RBMS3: variants seen among roughly 807,000 people sequenced by gnomAD.
The protein encoded by RBMS3 is RNA-binding motif, single-stranded-interacting protein 3.
RBMS3 carries 27 observed loss-of-function variants against 66.8 expected under a neutral mutation model. The observed-to-expected ratio is 0.40, with a 90% CI of 0.30 to 0.56. RBMS3 has a LOEUF of 0.56. Among genes scored for constraint, RBMS3 ranks in the 20% least tolerant of loss-of-function variants. The probability of loss-of-function intolerance (pLI) is 0.40; values close to 1 mark genes in which losing one functional copy is unlikely to be tolerated. For missense variants in RBMS3, 513 were observed against 549.5 expected, an observed-to-expected ratio of 0.93 and a Z score of 0.66; for synonymous variants, 188 against 183.0, an observed-to-expected ratio of 1.03 and a Z score of -0.22.
intron 1 of RBMS3, among the ~76,000 whole-genome samples, chr3:29,317,240 A>G (rs1193676908): frequency 1.3e-5 from 2 of 151,816 alleles, no homozygotes; most frequent in African/African-American, 2.4e-5. Flanking sequence ...AAACCAAGCT[A>G]TGATAGAGTT....
chr3:29,674,737 C>CAAAAAAA (rs149403305), intron 4 of RBMS3, among the ~76,000 whole-genome samples: 2 of 100,912 alleles, frequency 2.0e-5, no homozygotes. Flanking sequence ...ACCACTGCTC[C>CAAAAAAA]AAAAAAAAAA....
chr3:29,910,621 G>T (rs74881102), intron 10 of RBMS3, among the ~76,000 whole-genome samples: 5,279 of 151,984 alleles, frequency 0.035, 107 homozygotes, highest in African/African-American at 0.044. Flanking sequence ...TTTCTACCTA[G>T]GTGCTATGTC....
intron 12 of RBMS3, among the ~76,000 whole-genome samples, chr3:29,952,441 A>G (rs927042112): frequency 1.3e-5 from 2 of 151,890 alleles, no homozygotes; most frequent in African/African-American, 4.8e-5. Context: ...AAATCTTCCC[A>G]GTTTATATTA....
At chr3:29,585,438 A>T (rs1325043887) in intron 3 of RBMS3, among the ~76,000 whole-genome samples, 1 of 152,184 alleles carries the variant, frequency 6.6e-6, no homozygotes, top group African/African-American at 2.4e-5. Context: ...TTGAAAGGAC[A>T]CATGCAGACT....
chr3:29,896,376 AC>A (rs1249593396), intron 8 of RBMS3, among the ~76,000 whole-genome samples: 5 of 151,392 alleles, frequency 3.3e-5, no homozygotes, highest in Admixed American at 2.6e-4. Context: ...TAAAAAAAAA[AC>A]AAAACATAGT....
At chr3:29,790,056 G>A (rs1018868873) in intron 6 of RBMS3, among the ~76,000 whole-genome samples, 1 of 152,044 alleles carries the variant, frequency 6.6e-6, no homozygotes, top group African/African-American at 2.4e-5. Context: ...AATTTTTACA[G>A]GTGATTTTAG....
intron 2 of RBMS3, among the ~76,000 whole-genome samples, chr3:29,435,316 C>A (rs7612586): frequency 7.9e-5 from 12 of 152,128 alleles, no homozygotes; most frequent in African/African-American, 2.9e-4. Context: ...TTCAGGATTA[C>A]CTCTTGTGTT....
chr3:29,600,265 G>A (rs1559500433), intron 4 of RBMS3, among the ~76,000 whole-genome samples: 1 of 152,018 alleles, frequency 6.6e-6, no homozygotes, highest in East Asian at 1.9e-4. Context: ...CCGTGTTGGA[G>A]CTGGGGCCTA....
intron 4 of RBMS3, among the ~76,000 whole-genome samples, chr3:29,611,272 T>C (rs557891935): frequency 1.3e-5 from 2 of 152,208 alleles, no homozygotes; most frequent in African/African-American, 4.8e-5. Context: ...AAAGTCCAGG[T>C]AGTAAAAATC....
chr3:29,350,847 A>G lies in RBMS3; in HGVS notation c.75+69091A>G, dbSNP rs143402778. ...TTTTGCCATAAAAGGTAAAAGAAAA[A>G]CAAAGTAAAAACAAAAAACTATAAT... is the stretch of plus-strand genomic sequence containing the variant. On this transcript the variant is annotated intron_variant, in intron 1 of 14. Coordinates refer to ENST00000383767, the MANE Select transcript of RBMS3 (RefSeq NM_001003793.3). Among the ~76,000 whole-genome samples, 469 of 152,244 alleles carry G rather than the reference A, an allele frequency of 3.1e-3. 2 individuals are homozygous for G. The highest frequency in any genetic ancestry group is 0.011 in the African/African-American group (448 of 41,572).
At chr3:29,820,490 T>C (rs975813993) in intron 6 of RBMS3, among the ~76,000 whole-genome samples, 1 of 152,078 alleles carries the variant, frequency 6.6e-6, no homozygotes, top group Non-Finnish European at 1.5e-5. Flanking sequence ...CCATTTTATA[T>C]GCTTTAACTT....
intron 7 of RBMS3, among the ~76,000 whole-genome samples, chr3:29,869,535 G>C (rs1035649308): frequency 6.6e-6 from 1 of 152,000 alleles, no homozygotes; most frequent in African/African-American, 2.4e-5. Context: ...GAGAAAAGTT[G>C]ATACATACAG....
chr3:29,723,254 G>T (rs1479376979), intron 4 of RBMS3, among the ~76,000 whole-genome samples: 1 of 152,106 alleles, frequency 6.6e-6, no homozygotes, highest in Admixed American at 6.6e-5. Flanking sequence ...GGGATTACAG[G>T]CATGAGCCAC....
At chr3:29,988,947 T>C (rs1325692243) in intron 13 of RBMS3, among the ~76,000 whole-genome samples, 2 of 152,154 alleles carry the variant, frequency 1.3e-5, no homozygotes, top group Non-Finnish European at 2.9e-5. Flanking sequence ...TTGAATTATT[T>C]TGAGAGCTTT....
chr3:29,677,884 G>C (rs897416298), intron 4 of RBMS3, among the ~76,000 whole-genome samples: 1 of 152,096 alleles, frequency 6.6e-6, no homozygotes, highest in Non-Finnish European at 1.5e-5. Context: ...TTTTAACTAG[G>C]ATTCTGTCAC....
chr3:29,405,114 C>A lies in RBMS3; in HGVS notation c.76-29629C>A, dbSNP rs567799121. ...GTGTTTTACTTCTAGGACCCAAACC[C>A]AAGTTTTCATAGATTTTAAAAAGTT... On this transcript the variant is annotated intron_variant, in intron 1 of 14. Transcript: ENST00000383767. Among the ~76,000 whole-genome samples the A allele has an allele frequency of 2.0e-5, 3 of 152,130 alleles. No individual in the cohort carries two copies. The East Asian group carries it at 5.8e-4, about 29-fold the overall frequency.
chr3:29,333,399 C>A (rs2035775729), intron 1 of RBMS3, among the ~76,000 whole-genome samples: 1 of 152,064 alleles, frequency 6.6e-6, no homozygotes, highest in South Asian at 2.1e-4. Flanking sequence ...ACATTCAGTG[C>A]TGAGACGGTG....
intron 1 of RBMS3, among the ~76,000 whole-genome samples, chr3:29,372,328 C>CA (rs928077342): frequency 2.3e-4 from 34 of 146,382 alleles, no homozygotes; most frequent in South Asian, 4.3e-4. Flanking sequence ...GACTCTGTCT[C>CA]AAAAAAAAAG....
intron 10 of RBMS3, among the ~76,000 whole-genome samples, chr3:29,908,453 T>C (rs1023527060): frequency 6.6e-6 from 1 of 152,160 alleles, no homozygotes; most frequent in African/African-American, 2.4e-5. Context: ...CATATAGTTC[T>C]TAAGTTAAAT....
Sources: gnomAD v4.1 joint callset for allele counts (sites outside exome capture counted in the v4.1 genomes callset) on GRCh38, gnomAD v4.1.1 for gene constraint, MANE v1.5 for transcripts, NCBI Gene and HGNC (gene_info 2026-07-23, HGNC 2026-07-21) for gene names.